The following P4HTM variants were observed in gnomAD, a reference collection of about 807,000 sequenced individuals.
P4HTM encodes prolyl 4-hydroxylase, transmembrane, also known as transmembrane prolyl 4-hydroxylase.
P4HTM carries 33 observed loss-of-function variants against 55.3 expected under a neutral mutation model. The ratio of observed to expected loss-of-function variants is 0.60; its 90% CI spans 0.45 to 0.80. The LOEUF is 0.80. P4HTM is among the 30% of genes least tolerant of loss of function. P4HTM has a pLI of 0.00. For missense variants in P4HTM, 542 were observed against 696.5 expected, an observed-to-expected ratio of 0.78 and a Z score of 2.50; for synonymous variants, 272 against 286.4, an observed-to-expected ratio of 0.95 and a Z score of 0.51.
Position 48,990,518 on chromosome 3 carries a change from G to A in P4HTM, c.262G>A (p.Asp88Asn). The A allele has an allele frequency of 6.2e-7, 1 of 1,611,078 alleles. No individual in the cohort carries two copies. Among genetic ancestry groups the A allele is most frequent in the Non-Finnish European group, 8.5e-7 (1 of 1,179,384 alleles). Reference protein sequence around the residue: ...LLLFVHYSNGDESSDPGPQHR... With the variant: ...LLLFVHYSNGNESSDPGPQHR... ...GCTCTTCGTGCACTACAGCAACGGC[G>A]ACGAAAGCAGCGATCCCGGGCCCCA... The change falls in exon 1 of 9, where the codon GAC becomes AAC. Residue 88 changes from aspartate to asparagine, a missense_variant. Physicochemically the swap from Asp to Asn is conservative, Grantham distance 23 (BLOSUM62 1). Coordinates refer to ENST00000383729, the MANE Select transcript of P4HTM (RefSeq NM_177939.3). This position sits in a 1 kb window ranked among gnomAD's most constrained non-coding sequence, Gnocchi z 7.2.
At position 49,004,867 on chromosome 3, in the gene P4HTM, G is replaced by A; in HGVS notation, c.894G>A (p.Leu298=). ...AATGCCTGCTGCCCACCAGGGTGCT[G>A]CGCCTCACTCGCCTGTCGCCTGAGA... The part of the protein sequence containing the change: ...HIMRAIRQRV[L]RLTRLSPEIV... The change falls in exon 6 of 9, where the codon CTG becomes CTA. Residue 298 remains leucine, a synonymous_variant. Transcript: ENST00000383729. 1 of 1,607,656 alleles carries A rather than the reference G, an allele frequency of 6.2e-7. No individual in the cohort carries two copies. The highest frequency in any genetic ancestry group is 8.5e-7 in the Non-Finnish European group (1 of 1,178,550).
rs778124510 is a variant in P4HTM, at chr3:48,990,349, G to A, written c.93G>A (p.Gln31=). 15 of 1,548,476 alleles carry A rather than the reference G, an allele frequency of 9.7e-6. No homozygotes were observed. The highest frequency in any genetic ancestry group is 1.3e-5 in the Non-Finnish European group (15 of 1,155,374). ...RPQWAPPDHC[Q]AQAAAGLGDG... Reference sequence around the variant, plus strand: ...AGTGGGCGCCGCCAGACCACTGCCAGGCTCAGGCGGCGGCCGGGCTGGGCG... The same window carrying A: ...AGTGGGCGCCGCCAGACCACTGCCAAGCTCAGGCGGCGGCCGGGCTGGGCG... Residue 31 remains glutamine (Q), a synonymous_variant, in exon 1 of 9, where the codon CAG becomes CAA. Coordinates refer to ENST00000383729, the MANE Select transcript of P4HTM (RefSeq NM_177939.3). This position sits in a 1 kb window ranked among gnomAD's most constrained non-coding sequence, Gnocchi z 7.2.
intron 2 of P4HTM, among the ~76,000 whole-genome samples, chr3:48,995,322 C>T (rs559463453): frequency 1.3e-5 from 2 of 152,286 alleles, no homozygotes; most frequent in South Asian, 2.1e-4. Flanking sequence ...TCCCACAGAG[C>T]GTGCCTTCAG....
intron 2 of P4HTM, among the ~76,000 whole-genome samples, chr3:48,993,646 G>T (rs1490558107): frequency 6.6e-6 from 1 of 152,072 alleles, no homozygotes; most frequent in Admixed American, 6.6e-5. Context: ...TGGATCACTT[G>T]AGGTCAGGAG....
chr3:49,006,287 C>T, intron 8 of P4HTM, 100 bp downstream of exon 8: 1 of 1,390,666 alleles, frequency 7.2e-7, no homozygotes, highest in Non-Finnish European at 9.9e-7. Context: ...TGGCTGCTTT[C>T]CAAATAGTTT....
chr3:48,990,206 C>A, upstream of P4HTM: 2 of 1,129,700 alleles, frequency 1.8e-6, no homozygotes, highest in Non-Finnish European at 2.2e-6. This position sits in a 1 kb window ranked among gnomAD's most constrained non-coding sequence, Gnocchi z 7.2. Flanking sequence ...GACTGCGCAG[C>A]GCGGGCACCC....
Position 49,002,387 on chromosome 3 carries a change from C to T in P4HTM, c.628-113C>T. 1 of 793,950 alleles carries T rather than the reference C, an allele frequency of 1.3e-6. No individual in the cohort carries two copies. Among genetic ancestry groups the T allele is most frequent in the Non-Finnish European group, 2.2e-6 (1 of 459,916 alleles). The allele number at this position is 793,950 out of a possible 1,614,324, so 49.2% of individuals were successfully genotyped here. On this transcript the variant is annotated intron_variant, in intron 3 of 8. Transcript: ENST00000383729. This position sits in a 1 kb window ranked among gnomAD's most constrained non-coding sequence, Gnocchi z 4.4. ...GGCCCAATGGGCTCTGCCCTGTGTC[C>T]TCATCCATGCCCTCACCTGAACACT...
chr3:48,999,059 G>T lies in P4HTM; in HGVS notation c.437-2379G>T, dbSNP rs189069098. 2.4e-3 allele frequency among the ~76,000 whole-genome samples: 366 copies of T among 152,196 alleles called. No individual in the cohort carries two copies. The highest frequency in any genetic ancestry group is 3.9e-3 in the African/African-American group (161 of 41,518). On this transcript the variant is annotated intron_variant, in intron 2 of 8. Transcript: ENST00000383729. This position sits in a 1 kb window ranked among gnomAD's most constrained non-coding sequence, Gnocchi z 4.8. The stretch of plus-strand genomic sequence containing the variant: ...CCTTGACCACCATTGATGGTCTCCT[G>T]CCTAAGGGCACCTGGTTCCCTCTGT...
At chr3:48,995,829 G>T (rs1042278679) in intron 2 of P4HTM, among the ~76,000 whole-genome samples, 3 of 152,024 alleles carry the variant, frequency 2.0e-5, no homozygotes, top group African/African-American at 7.2e-5. Context: ...CAAGTAATCC[G>T]CCTGCCTCAG....
At chr3:48,998,730 G>A (rs955644291) in intron 2 of P4HTM, among the ~76,000 whole-genome samples, 1 of 152,200 alleles carries the variant, frequency 6.6e-6, no homozygotes, top group East Asian at 1.9e-4. Context: ...CCGCAGCCAG[G>A]GCTGGGGTTG....
At chr3:48,996,176 C>A (rs1423474487) in intron 2 of P4HTM, 1 of 152,238 alleles carries the variant, frequency 6.6e-6, no homozygotes, top group Non-Finnish European at 1.5e-5. Context: ...AACAATTAGG[C>A]AGCTACATCA....
At chr3:48,996,995 A>C (rs1323692454) in intron 2 of P4HTM, among the ~76,000 whole-genome samples, 1 of 152,218 alleles carries the variant, frequency 6.6e-6, no homozygotes, top group Non-Finnish European at 1.5e-5. Flanking sequence ...TCTTGGCCAG[A>C]CAGAGGACTA....
intron 2 of P4HTM, among the ~76,000 whole-genome samples, chr3:48,993,861 A>C (rs1261585886): frequency 6.9e-6 from 1 of 144,320 alleles, no homozygotes; most frequent in Middle Eastern, 3.7e-3. Context: ...CTCCATCACA[A>C]AAAAAAAAAA....
At chr3:49,001,382 G>A in intron 2 of P4HTM, 56 bp from the exon 3 acceptor site, 2 of 1,547,234 alleles carry the variant, frequency 1.3e-6, no homozygotes, top group Non-Finnish European at 1.8e-6. Context: ...GGAAGGTACT[G>A]GGTGCACCAG....
chr3:49,006,799 A>G lies in P4HTM; in HGVS notation c.1401A>G (p.Gln467=). 1 of 1,613,510 alleles carries G rather than the reference A, an allele frequency of 6.2e-7. No individual in the cohort carries two copies. The highest frequency in any genetic ancestry group is 2.2e-5 in the East Asian group (1 of 44,880). The change falls in exon 9 of 9, where the codon CAA becomes CAG. Residue 467 remains glutamine (Q), a synonymous_variant. Coordinates refer to ENST00000383729, the MANE Select transcript of P4HTM (RefSeq NM_177939.3). The part of the protein sequence containing the change: ...WINVDPSRAR[Q]ALFQQEMARL... ...ATGTGGACCCCAGCCGAGCGCGGCA[A>G]GCGCTGTTCCAACAGGAGATGGCCC...
chr3:48,995,741 A>G (rs1037716558), intron 2 of P4HTM, among the ~76,000 whole-genome samples: 2 of 152,122 alleles, frequency 1.3e-5, no homozygotes, highest in African/African-American at 4.8e-5. Context: ...GCCTGCCACC[A>G]TGCCCAGCTA....
chr3:49,004,341 A>G, intron 5 of P4HTM, 81 bp downstream of exon 5: 1 of 1,343,972 alleles, frequency 7.4e-7, no homozygotes, highest in Non-Finnish European at 1.0e-6. Flanking sequence ...TCTGGGGCCA[A>G]GAGGACAGAA....
intron 3 of P4HTM, among the ~76,000 whole-genome samples, chr3:49,001,837 C>G (rs1165939204): frequency 6.6e-6 from 1 of 152,236 alleles, no homozygotes; most frequent in African/African-American, 2.4e-5. Flanking sequence ...GGAGAATCCA[C>G]CTGGGGGTGA....
chr3:49,006,997 G>C lies in P4HTM; in HGVS notation c.*90G>C. The C allele has an allele frequency of 1.2e-5, 13 of 1,107,112 alleles. No individual in the cohort carries two copies. The highest frequency in any genetic ancestry group is 1.7e-5 in the Non-Finnish European group (13 of 766,460). 68.6% of individuals were successfully genotyped at this position (1,107,112 alleles called of 1,614,324 possible). A position where few individuals can be genotyped will look rare whatever the true frequency, so the allele number is the denominator to read the frequency against. On this transcript the variant is annotated 3_prime_UTR_variant, in exon 9 of 9. Coordinates refer to ENST00000383729, the MANE Select transcript of P4HTM (RefSeq NM_177939.3). Reference sequence around the variant, plus strand: ...TCCTTCTGTCCTGCTGCAGACTAAAGGTCTGGCCAATGTCTTGCCCCACCC... The same window carrying C: ...TCCTTCTGTCCTGCTGCAGACTAAACGTCTGGCCAATGTCTTGCCCCACCC...
Sources: gnomAD v4.1 joint callset for allele counts (sites outside exome capture counted in the v4.1 genomes callset) on GRCh38, gnomAD v4.1.1 for gene constraint, Gnocchi (gnomAD v3.1) non-coding constraint, MANE v1.5 for transcripts, NCBI Gene and HGNC (gene_info 2026-07-23, HGNC 2026-07-21) for gene names.